Variants in ADGRL2 observed in about 807,000 individuals in gnomAD.
ADGRL2 encodes the protein calcium-independent alpha-latrotoxin receptor 2.
ADGRL2 carries 44 observed loss-of-function variants against 157.4 expected under a neutral mutation model. The ratio of observed to expected loss-of-function variants is 0.28; its 90% CI spans 0.22 to 0.36. The LOEUF is 0.36. Among genes scored for constraint, ADGRL2 ranks in the 10% least tolerant of loss-of-function variants. ADGRL2 has a pLI of 1.00. For synonymous variants in ADGRL2, 585 were observed against 624.7 expected, an observed-to-expected ratio of 0.94 and a Z score of 0.95; for missense variants, 1,510 against 1,768.9, an observed-to-expected ratio of 0.85 and a Z score of 2.63.
rs187272050 is a variant in ADGRL2 at position 81,620,346 on chromosome 1, A to T, written c.-143+39366A>T. 1.1e-4 allele frequency among the ~76,000 whole-genome samples: 17 copies of T among 152,372 alleles called. No individual in the cohort carries two copies. In the East Asian group the frequency reaches 1.5e-3, roughly 14 times the overall value. On this transcript the variant is annotated intron_variant, in intron 3 of 24. Transcript: ENST00000370721. ...GAAATTTAAAAATGTAAGATGTACA[A>T]CTAGCATATGAAGTACATGGTTTTA...
At chr1:81,610,229 GT>G (rs10657640) in intron 3 of ADGRL2, among the ~76,000 whole-genome samples, 61 of 127,380 alleles carry the variant, frequency 4.8e-4, no homozygotes, top group South Asian at 3.8e-3. Flanking sequence ...TGGCTTGGAG[GT>G]TTTTTTTTTT....
chr1:81,307,320 G>A lies in ADGRL2; in HGVS notation c.-302+811G>A, dbSNP rs531500195. ...ACAATACACATGGTGATTTATGTAA[G>A]CAATTCCTGGGCTTACGTTACTTCA... On this transcript the variant is annotated intron_variant, in intron 1 of 24. Coordinates refer to the ADGRL2 transcript ENST00000370721. Among the ~76,000 whole-genome samples, 6 of 152,280 alleles carry A rather than the reference G, an allele frequency of 3.9e-5. No homozygotes were observed. The South Asian group carries it at 1.2e-3, about 32-fold the overall frequency.
chr1:81,528,128 A>G (rs1025472066), intron 2 of ADGRL2, among the ~76,000 whole-genome samples: 1 of 152,204 alleles, frequency 6.6e-6, no homozygotes, highest in Non-Finnish European at 1.5e-5. Context: ...CTTACCAGAC[A>G]ACAAATTCGC....
intron 17 of ADGRL2, among the ~76,000 whole-genome samples, chr1:81,977,480 T>G (rs1452779626): frequency 6.6e-6 from 1 of 151,814 alleles, no homozygotes; most frequent in African/African-American, 2.4e-5. Flanking sequence ...GTAGATTTCA[T>G]TTTAGTATGT....
intron 1 of ADGRL2, among the ~76,000 whole-genome samples, chr1:81,813,248 T>C (rs1415184347): frequency 6.6e-6 from 1 of 151,738 alleles, no homozygotes; most frequent in African/African-American, 2.4e-5. Flanking sequence ...AAGGTTATTA[T>C]CCATTATGTA....
intron 1 of ADGRL2, among the ~76,000 whole-genome samples, chr1:81,388,922 C>G (rs1299716772): frequency 6.6e-6 from 1 of 152,078 alleles, no homozygotes; most frequent in Non-Finnish European, 1.5e-5. Flanking sequence ...GGCCCCAGCT[C>G]AACGTAGGTA....
chr1:81,534,279 A>G (rs2079679026), intron 2 of ADGRL2, among the ~76,000 whole-genome samples: 1 of 152,100 alleles, frequency 6.6e-6, no homozygotes, highest in African/African-American at 2.4e-5. Flanking sequence ...CTCCTGCTTC[A>G]GCCTCCCAAA....
At chr1:81,664,425 C>T (rs1188010168) in intron 3 of ADGRL2, among the ~76,000 whole-genome samples, 1 of 152,178 alleles carries the variant, frequency 6.6e-6, no homozygotes, top group Non-Finnish European at 1.5e-5. Context: ...ACTTTAGTTT[C>T]ACCATAATAG....
chr1:81,433,379 G>A (rs2077356455), intron 1 of ADGRL2, among the ~76,000 whole-genome samples: 1 of 152,068 alleles, frequency 6.6e-6, no homozygotes, highest in African/African-American at 2.4e-5. Flanking sequence ...AATACTTCAG[G>A]TCCAAGGACA....
intron 2 of ADGRL2, among the ~76,000 whole-genome samples, chr1:81,555,190 T>A (rs2080242758): frequency 6.6e-6 from 1 of 151,464 alleles, no homozygotes; most frequent in Non-Finnish European, 1.5e-5. Flanking sequence ...TCTAATAAGA[T>A]CTAGTAAGAG....
At chr1:81,681,982 G>A (rs528054084) in intron 3 of ADGRL2, among the ~76,000 whole-genome samples, 7 of 152,252 alleles carry the variant, frequency 4.6e-5, no homozygotes, top group African/African-American at 1.7e-4. Context: ...GCCAGTGAAT[G>A]AAGTAAAATT....
intron 1 of ADGRL2, among the ~76,000 whole-genome samples, chr1:81,347,104 A>G (rs1357306968): frequency 6.6e-6 from 1 of 152,170 alleles, no homozygotes; most frequent in Non-Finnish European, 1.5e-5. Context: ...TGTGAACACT[A>G]AAACCCATTC....
chr1:81,983,559 A>ACTT (rs1662255524), intron 19 of ADGRL2, among the ~76,000 whole-genome samples: 1 of 152,086 alleles, frequency 6.6e-6, no homozygotes, highest in African/African-American at 2.4e-5. Flanking sequence ...CTGCACACAG[A>ACTT]CTTCTGAGTT....
At chr1:81,921,994 T>C (rs1572139407) in intron 3 of ADGRL2, among the ~76,000 whole-genome samples, 1 of 152,188 alleles carries the variant, frequency 6.6e-6, no homozygotes, top group East Asian at 1.9e-4. Flanking sequence ...GGAGTTAATA[T>C]ATTTTAGAAT....
At chr1:81,503,004 C>A (rs544547860) in intron 2 of ADGRL2, 2 of 1,612,962 alleles carry the variant, frequency 1.2e-6, no homozygotes, top group Admixed American at 3.3e-5. Flanking sequence ...TGGCTGTGCC[C>A]GTGACCTTGG....
intron 1 of ADGRL2, among the ~76,000 whole-genome samples, chr1:81,370,571 C>A (rs181185007): frequency 6.6e-6 from 1 of 152,054 alleles, no homozygotes; most frequent in Non-Finnish European, 1.5e-5. Context: ...ATATAGGCAT[C>A]CTAAAAATAC....
chr1:81,348,720 A>C (rs1662660258), intron 1 of ADGRL2, among the ~76,000 whole-genome samples: 1 of 152,216 alleles, frequency 6.6e-6, no homozygotes, highest in Non-Finnish European at 1.5e-5. Flanking sequence ...TCATTAAAAA[A>C]TAAAAACGTT....
intron 3 of ADGRL2, among the ~76,000 whole-genome samples, chr1:81,930,698 A>C (rs1364017931): frequency 6.6e-6 from 1 of 152,210 alleles, no homozygotes; most frequent in Non-Finnish European, 1.5e-5. Flanking sequence ...TAAACTATTA[A>C]TCTTCAAAAT....
chr1:81,423,292 A>C (rs2077157499), intron 1 of ADGRL2, among the ~76,000 whole-genome samples: 1 of 152,230 alleles, frequency 6.6e-6, no homozygotes, highest in African/African-American at 2.4e-5. Flanking sequence ...ACTCATATTC[A>C]GGTCAAACTA....
Sources: gnomAD v4.1 joint callset for allele counts (sites outside exome capture counted in the v4.1 genomes callset) on GRCh38, gnomAD v4.1.1 for gene constraint, MANE v1.5 for transcripts, NCBI Gene and HGNC (gene_info 2026-07-23, HGNC 2026-07-21) for gene names.